MON2: variants seen among roughly 807,000 people sequenced by gnomAD.
MON2 encodes the protein MON2 regulator of endosome-to-Golgi trafficking, also known as protein MON2 homolog.
MON2 carries 84 observed loss-of-function variants against 208.6 expected under a neutral mutation model. The ratio of observed to expected loss-of-function variants is 0.40; its 90% CI spans 0.34 to 0.48. The LOEUF (loss-of-function observed/expected upper bound fraction) is 0.48. MON2 is among the 20% of genes least tolerant of loss of function. The pLI is 0.59. For missense variants in MON2, 1,611 were observed against 2,015.4 expected (o/e 0.80, Z 3.84); for synonymous variants, 660 against 694.0 (o/e 0.95, Z 0.77).
chr12:62,573,819 G>A (rs1179540498), intron 30 of MON2, among the ~76,000 whole-genome samples: 1 of 151,966 alleles, frequency 6.6e-6, no homozygotes, highest in Non-Finnish European at 1.5e-5. Context: ...GTGGACACTG[G>A]AACCAAAGGC....
At chr12:62,526,682 A>G (rs1236437769) in intron 11 of MON2, among the ~76,000 whole-genome samples, 1 of 152,196 alleles carries the variant, frequency 6.6e-6, no homozygotes, top group Non-Finnish European at 1.5e-5. Context: ...TAACAAATGC[A>G]TACTCAATAA....
intron 20 of MON2, chr12:62,544,683 T>C (rs2073405463): frequency 1.7e-6 from 2 of 1,203,356 alleles, no homozygotes; most frequent in Admixed American, 4.5e-5. Context: ...TTTACTGTTA[T>C]GAAATCCTTT....
intron 29 of MON2, among the ~76,000 whole-genome samples, chr12:62,568,788 G>A (rs749535460): frequency 2.0e-5 from 3 of 152,090 alleles, no homozygotes; most frequent in Non-Finnish European, 4.4e-5. Context: ...GAGTAGCTGG[G>A]AATACAGGCA....
chr12:62,473,492 T>G (rs1392597258), intron 1 of MON2, among the ~76,000 whole-genome samples: 3 of 152,244 alleles, frequency 2.0e-5, no homozygotes, highest in Non-Finnish European at 2.9e-5. Context: ...CTTTCCATCT[T>G]GGAACCCTCT....
intron 29 of MON2, among the ~76,000 whole-genome samples, chr12:62,570,667 T>C (rs182009359): frequency 4.0e-5 from 6 of 150,812 alleles, no homozygotes; most frequent in African/African-American, 1.5e-4. Context: ...ATATGGGATA[T>C]CCACATCAGC....
chr12:62,529,772 T>A (rs2072530068), intron 11 of MON2, among the ~76,000 whole-genome samples: 1 of 152,190 alleles, frequency 6.6e-6, no homozygotes, highest in Admixed American at 6.5e-5. Flanking sequence ...ATCTATTGAT[T>A]TGCCAATTCT....
At chr12:62,490,412 C>T (rs929670318) in intron 2 of MON2, among the ~76,000 whole-genome samples, 1 of 151,560 alleles carries the variant, frequency 6.6e-6, no homozygotes, top group Non-Finnish European at 1.5e-5. Flanking sequence ...TGCTGTACAG[C>T]CTTTTTGTCA....
chr12:62,532,532 A>C lies in MON2; in HGVS notation c.1495A>C (p.Ile499Leu), dbSNP rs771586664. Reference sequence around the variant, plus strand: ...TTGTTTGCTAGACCTTGTTCGTGGAATCACAAGTATGATTGAAGGAGAGCT... The same window carrying C: ...TTGTTTGCTAGACCTTGTTCGTGGACTCACAAGTATGATTGAAGGAGAGCT... ...FHCLLDLVRG[I>L]TSMIEGELGE... The change falls in exon 12 of 35, where the codon ATC (isoleucine) becomes CTC (leucine). Residue 499 changes from isoleucine to leucine, a missense_variant. Transcript: ENST00000393630. 7 of 1,614,012 alleles carry C rather than the reference A, an allele frequency of 4.3e-6. No homozygotes were observed. The highest frequency in any genetic ancestry group is 5.9e-6 in the Non-Finnish European group (7 of 1,179,996).
At position 62,578,404 on chromosome 12, in the gene MON2, G is replaced by A; in HGVS notation, c.4515-41G>A. On this transcript the variant is annotated intron_variant, in intron 30 of 34. Coordinates refer to ENST00000393630, the MANE Select transcript of MON2 (RefSeq NM_015026.3). The stretch of plus-strand genomic sequence containing the variant: ...TTTCTATTTTGTTTGTATTTGCAGG[G>A]AATATTTTATCTTTAAAAATCAAGT... The A allele has an allele frequency of 1.6e-6, 2 of 1,225,620 alleles. 1 individual carries two copies. The highest frequency in any genetic ancestry group is 5.1e-5 in the East Asian group (2 of 39,362). 75.9% of individuals were successfully genotyped at this position (1,225,620 alleles called of 1,614,324 possible). A position where few individuals can be genotyped will look rare whatever the true frequency, so the allele number is the denominator to read the frequency against.
In MON2 at chr12:62,500,774, T is replaced by C; in HGVS notation, c.566-9T>C. 6.7e-7 allele frequency: 1 copy of C among 1,484,916 alleles called. No homozygotes were observed. The allele number at this position is 1,484,916 out of a possible 1,614,324, so 92.0% of individuals were successfully genotyped here. On this transcript the variant is annotated splice_polypyrimidine_tract_variant and intron_variant, in intron 5 of 34. Coordinates refer to ENST00000393630, the MANE Select transcript of MON2 (RefSeq NM_015026.3). The stretch of plus-strand genomic sequence containing the variant: ...TGAACTCCTAAAACCCATCCTGTTT[T>C]GATTGCAGATATTATAGAACAACCA...
At chr12:62,489,381 ATTTCT>A (rs2069983762) in intron 2 of MON2, among the ~76,000 whole-genome samples, 1 of 151,958 alleles carries the variant, frequency 6.6e-6, no homozygotes, top group Non-Finnish European at 1.5e-5. Context: ...TTTTACATTC[ATTTCT>A]TCGAACTTTT....
At chr12:62,473,486 C>A (rs2068899741) in intron 1 of MON2, among the ~76,000 whole-genome samples, 1 of 152,142 alleles carries the variant, frequency 6.6e-6, no homozygotes, top group South Asian at 2.1e-4. Flanking sequence ...GTTATTCTTT[C>A]CATCTTGGAA....
At chr12:62,526,800 T>C (rs1054873022) in intron 11 of MON2, among the ~76,000 whole-genome samples, 1 of 152,178 alleles carries the variant, frequency 6.6e-6, no homozygotes, top group African/African-American at 2.4e-5. Context: ...GAGGCAGTTA[T>C]AGATATATTT....
rs1049204612 is a variant in MON2 at position 62,597,657 on chromosome 12, T to C, written c.*4908T>C. On this transcript the variant is annotated 3_prime_UTR_variant, in exon 35 of 35. Transcript: ENST00000393630. ...TCACAAAATGGGATTGCTATAAATA[T>C]GATGGATTCAGCACCTAAATTTGGA... The C allele has an allele frequency of 6.6e-6, 1 of 152,256 alleles. No individual in the cohort carries two copies. The highest frequency in any genetic ancestry group is 2.4e-5 in the African/African-American group (1 of 41,468). 9.4% of individuals were successfully genotyped at this position (152,256 alleles called of 1,614,324 possible). A position where few individuals can be genotyped will look rare whatever the true frequency, so the allele number is the denominator to read the frequency against.
intron 3 of MON2, among the ~76,000 whole-genome samples, 176 bp downstream of exon 3, chr12:62,494,218 A>G (rs1219174450): frequency 2.6e-5 from 4 of 152,226 alleles, no homozygotes; most frequent in African/African-American, 7.2e-5. Context: ...ACACTCACAA[A>G]CAAGTATTTT....
At chr12:62,471,273 C>T (rs1160325136) in intron 1 of MON2, among the ~76,000 whole-genome samples, 1 of 152,204 alleles carries the variant, frequency 6.6e-6, no homozygotes, top group Admixed American at 6.5e-5. Context: ...ACCTCCGCCT[C>T]CCAGGTTCAA....
intron 21 of MON2, among the ~76,000 whole-genome samples, chr12:62,545,914 G>T (rs995375777): frequency 9.9e-5 from 15 of 152,032 alleles, no homozygotes; most frequent in African/African-American, 3.6e-4. Flanking sequence ...CATTTATTTT[G>T]ATATCCTCAA....
chr12:62,510,271 A>G lies in MON2; in HGVS notation c.984+1791A>G, dbSNP rs1484851140. Among the ~76,000 whole-genome samples, 4 of 152,308 alleles carry G rather than the reference A, an allele frequency of 2.6e-5. No homozygotes were observed. In the East Asian group the frequency reaches 7.7e-4, roughly 29 times the overall value. ...ACTCCAAAGAATTGAAGAGGAGAGA[A>G]AACTTCCAAGCTCATTTTATGAGGC... On this transcript the variant is annotated intron_variant, in intron 8 of 34. Coordinates refer to ENST00000393630, the MANE Select transcript of MON2 (RefSeq NM_015026.3).
At chr12:62,556,254 C>G in intron 25 of MON2, 62 bp downstream of exon 25, 2 of 1,437,938 alleles carry the variant, frequency 1.4e-6, no homozygotes, top group Non-Finnish European at 1.9e-6. Context: ...TTGGAAAATA[C>G]AGACGATTCT....
Sources: allele counts gnomAD v4.1 joint callset (sites outside exome capture counted in the v4.1 genomes callset), GRCh38; gene constraint gnomAD v4.1.1; transcripts MANE v1.5; gene names NCBI Gene and HGNC (gene_info 2026-07-23, HGNC 2026-07-21).